Variants in LYST observed in about 807,000 individuals in gnomAD.
The protein encoded by LYST is lysosomal trafficking regulator, also known as lysosomal-trafficking regulator.
A neutral mutation model predicts 413.6 loss-of-function variants in LYST; 192 were observed. That is an observed-to-expected ratio of 0.46 (90% CI 0.41 to 0.52). The LOEUF (loss-of-function observed/expected upper bound fraction) is 0.52. Among genes scored for constraint, LYST ranks in the 20% least tolerant of loss-of-function variants. The probability of loss-of-function intolerance (pLI) is 0.00; values close to 1 mark genes in which losing one functional copy is unlikely to be tolerated. For missense variants in LYST, 3,815 were observed against 4,499.9 expected (o/e 0.85, Z 4.35); for synonymous variants, 1,525 against 1,567.3 (o/e 0.97, Z 0.64).
rs1303653281 is a variant in LYST at position 235,733,526 on chromosome 1, A to G, written c.8778T>C (p.Leu2926=). 1 of 1,613,884 alleles carries G rather than the reference A, an allele frequency of 6.2e-7. No homozygotes were observed. Among genetic ancestry groups the G allele is most frequent in the East Asian group, 2.2e-5 (1 of 44,862 alleles). ...ACCTATCATGTGTCAGCTGCTGAAT[A>G]AGTTCCTGCCAATGTCTGCTGGCAC... ...DLSASRHWQE[L]IQQLTHDRAV... Residue 2926 remains leucine (L), a synonymous_variant, in exon 34 of 53, where the codon CTT becomes CTC. Transcript: ENST00000389793.
intron 28 of LYST, among the ~76,000 whole-genome samples, chr1:235,750,142 A>C (rs1305241387): frequency 6.6e-6 from 1 of 152,194 alleles, no homozygotes; most frequent in Non-Finnish European, 1.5e-5. Context: ...GGCATGCAGG[A>C]AGCTGAGCAC....
chr1:235,816,805 GAC>G (rs1674161152), intron 3 of LYST, among the ~76,000 whole-genome samples: 2 of 152,102 alleles, frequency 1.3e-5, no homozygotes. Context: ...TACCATCCTG[GAC>G]ATAGGCCCTG....
chr1:235,803,492 CAGACA>C (rs1672471413), intron 7 of LYST, among the ~76,000 whole-genome samples: 2 of 151,952 alleles, frequency 1.3e-5, no homozygotes. Context: ...GTAACTAGAG[CAGACA>C]AGACATTTTT....
intron 47 of LYST, among the ~76,000 whole-genome samples, chr1:235,691,135 G>C (rs1235226233): frequency 6.6e-6 from 1 of 152,064 alleles, no homozygotes; most frequent in Non-Finnish European, 1.5e-5. Context: ...AGCCAGGATG[G>C]TCTCGATCTC....
In LYST at chr1:235,662,546, T is replaced by C. The variant is rs1348993931; in HGVS notation, c.*394A>G. On this transcript the variant is annotated 3_prime_UTR_variant, in exon 53 of 53. Coordinates refer to ENST00000389793, the MANE Select transcript of LYST (RefSeq NM_000081.4). ...ATGGCAGTAAACTTTTAAAATATAA[T>C]TTTAGTGTGTTTTATATAAACAATC... The C allele has an allele frequency of 3.9e-6, 1 of 253,180 alleles. No individual in the cohort carries two copies. Among genetic ancestry groups the C allele is most frequent in the African/African-American group, 2.3e-5 (1 of 43,928 alleles). 15.7% of individuals were successfully genotyped at this position (253,180 alleles called of 1,614,324 possible).
intron 1 of LYST, among the ~76,000 whole-genome samples, chr1:235,846,887 G>C (rs971137780): frequency 6.6e-6 from 1 of 151,990 alleles, no homozygotes. Context: ...TATGTTAAAT[G>C]ACCACACCTA....
rs750413949 is a variant in LYST, at chr1:235,753,052, T to C, written c.7452A>G (p.Leu2484=). ...LCNTVAALNG[L]EKNIPMSEYK... ...AATAATTTTAAACTTACTTCTTTTC[T>C]AATCCATTCAGGGCTGCTACTGTAT... Residue 2484 remains leucine (L), a synonymous_variant, in exon 26 of 53, where the codon TTA becomes TTG. Coordinates refer to ENST00000389793, the MANE Select transcript of LYST (RefSeq NM_000081.4). The C allele has an allele frequency of 6.6e-7, 1 of 1,507,928 alleles. No homozygotes were observed. The highest frequency in any genetic ancestry group is 1.1e-5 in the South Asian group (1 of 88,470). 93.4% of individuals were successfully genotyped at this position (1,507,928 alleles called of 1,614,324 possible).
chr1:235,687,405 CAT>C (rs1311974735), intron 47 of LYST, among the ~76,000 whole-genome samples: 1 of 152,174 alleles, frequency 6.6e-6, no homozygotes, highest in African/African-American at 2.4e-5. Context: ...GTGTACTTCA[CAT>C]ATTTATTTGC....
intron 6 of LYST, 132 bp downstream of exon 6, chr1:235,805,611 G>T: frequency 3.3e-6 from 1 of 299,530 alleles, no homozygotes; most frequent in Non-Finnish European, 5.6e-6. Flanking sequence ...TATATTATAT[G>T]TTATATATAA....
intron 1 of LYST, among the ~76,000 whole-genome samples, chr1:235,876,733 G>C (rs1335324911): frequency 1.3e-5 from 2 of 152,150 alleles, no homozygotes; most frequent in Admixed American, 1.3e-4. Context: ...ATAATCATTT[G>C]CCCAGCTCAC....
chr1:235,793,654 A>T, intron 10 of LYST, 42 bp from the exon 11 acceptor site: 1 of 1,008,086 alleles, frequency 9.9e-7, no homozygotes, highest in Non-Finnish European at 1.6e-6. Flanking sequence ...CTAGTACACA[A>T]TTAGAGGAAT....
chr1:235,842,340 T>G (rs2103052635), intron 1 of LYST, among the ~76,000 whole-genome samples: 1 of 152,256 alleles, frequency 6.6e-6, no homozygotes, highest in Admixed American at 6.5e-5. Flanking sequence ...TTAGAATTTT[T>G]AGATTTCTGA....
At chr1:235,738,780 G>C in intron 31 of LYST, 1 of 1,071,368 alleles carries the variant, frequency 9.3e-7, no homozygotes, top group Non-Finnish European at 1.5e-6. Flanking sequence ...AGATTTGGCA[G>C]AAAGTATAAT....
In LYST at chr1:235,781,978, A is replaced by C. The variant is rs771710044; in HGVS notation, c.4972T>G (p.Phe1658Val). 10 of 1,613,628 alleles carry C rather than the reference A, an allele frequency of 6.2e-6. No individual in the cohort carries two copies. In the East Asian group the frequency reaches 2.2e-4, roughly 36 times the overall value. ...TCCCATTTTCCAGCCAACTGCAAAA[A>C]CTCTTCTTGGGATGATAAACAATGG... ...IGHCLSSQEEFLQLAGKWDLG... is the reference protein window; with the variant it reads ...IGHCLSSQEEVLQLAGKWDLG... The change falls in exon 15 of 53, where the codon TTT (phenylalanine) becomes GTT (valine). Residue 1658 changes from phenylalanine to valine, a missense_variant. Transcript: ENST00000389793.
In LYST at chr1:235,751,381, A is replaced by G; in HGVS notation, c.7628-19T>C. 1 of 1,606,626 alleles carries G rather than the reference A, an allele frequency of 6.2e-7. No homozygotes were observed. The highest frequency in any genetic ancestry group is 8.5e-7 in the Non-Finnish European group (1 of 1,173,864). ...GCCATATCTAAAAACAGAAGATACTAGAATGTTTTCAAGCTATGTGGTTAC... is the reference window on the plus strand; with the variant it reads ...GCCATATCTAAAAACAGAAGATACTGGAATGTTTTCAAGCTATGTGGTTAC... On this transcript the variant is annotated intron_variant, in intron 27 of 52. Coordinates refer to ENST00000389793, the MANE Select transcript of LYST (RefSeq NM_000081.4).
At chr1:235,881,280 T>A (rs1681363901) in intron 1 of LYST, among the ~76,000 whole-genome samples, 2 of 152,248 alleles carry the variant, frequency 1.3e-5, no homozygotes, top group Non-Finnish European at 2.9e-5. Context: ...GTGGAAAACA[T>A]ACTTTTACCA....
intron 45 of LYST, among the ~76,000 whole-genome samples, chr1:235,702,137 T>C (rs753748324): frequency 3.3e-5 from 5 of 152,276 alleles, no homozygotes; most frequent in African/African-American, 7.2e-5. Flanking sequence ...TACTATCTTA[T>C]GCTGTTTTTA....
At chr1:235,736,112 T>C (rs1572103915) in intron 31 of LYST, 1 of 152,126 alleles carries the variant, frequency 6.6e-6, no homozygotes, top group African/African-American at 2.4e-5. Flanking sequence ...TTAAGTTGTT[T>C]CTAATATCTC....
intron 34 of LYST, among the ~76,000 whole-genome samples, chr1:235,732,110 T>A (rs1664435945): frequency 6.6e-6 from 1 of 152,098 alleles, no homozygotes; most frequent in Admixed American, 6.5e-5. Flanking sequence ...GTAGTTATGA[T>A]CATTATGATC....
Sources: gnomAD v4.1 joint callset for allele counts (sites outside exome capture counted in the v4.1 genomes callset) on GRCh38, gnomAD v4.1.1 for gene constraint, MANE v1.5 for transcripts, NCBI Gene and HGNC (gene_info 2026-07-23, HGNC 2026-07-21) for gene names.